The following RAPH1 variants were observed in gnomAD, a reference collection of about 807,000 sequenced individuals.
RAPH1 encodes Ras association (RalGDS/AF-6) and pleckstrin homology domains 1.
RAPH1 carries 18 observed loss-of-function variants against 88.1 expected under a neutral mutation model. That is an observed-to-expected ratio of 0.20 (90% CI 0.14 to 0.30). The LOEUF (loss-of-function observed/expected upper bound fraction) is 0.30, where lower values mean the gene tolerates loss of function less well. Among genes scored for constraint, RAPH1 ranks in the 10% least tolerant of loss-of-function variants. RAPH1 has a pLI of 1.00. For missense variants in RAPH1, 1,448 were observed against 1,543.2 expected (o/e 0.94, Z 1.03); for synonymous variants, 587 against 559.0 (o/e 1.05, Z -0.71).
Position 203,495,449 on chromosome 2 carries a change from GAAGTCAAATCTTCAAA to G in RAPH1, c.1-112_1-97del, listed in dbSNP as rs1688471665. 3.0e-5 allele frequency: 36 copies of G among 1,203,732 alleles called. No homozygotes were observed. In the South Asian group the frequency reaches 5.9e-4, roughly 20 times the overall value. 74.6% of individuals were successfully genotyped at this position (1,203,732 alleles called of 1,614,324 possible). A position where few individuals can be genotyped will look rare whatever the true frequency, so the allele number is the denominator to read the frequency against. ...GCTCTGATATATATTATATGCCTCT[GAAGTCAAATCTTCAAA>G]ACTAGAAATTACATTCTAAAAGAAA... is the stretch of plus-strand genomic sequence containing the variant. On this transcript the variant is annotated intron_variant, in intron 1 of 13. Coordinates refer to ENST00000319170, the MANE Select transcript of RAPH1 (RefSeq NM_213589.3).
intron 4 of RAPH1, among the ~76,000 whole-genome samples, chr2:203,472,374 C>T (rs1316458633): frequency 2.0e-5 from 3 of 152,108 alleles, no homozygotes; most frequent in African/African-American, 7.2e-5. Context: ...TAAGGTGATC[C>T]GCCCGCCTTG....
chr2:203,457,389 T>G (rs1211942142), intron 8 of RAPH1, 141 bp downstream of exon 8: 2 of 737,924 alleles, frequency 2.7e-6, no homozygotes, highest in African/African-American at 3.5e-5. Context: ...TTTCACCATC[T>G]TGGGCAGGCT....
At chr2:203,477,048 C>A in intron 4 of RAPH1, 1 of 1,525,448 alleles carries the variant, frequency 6.6e-7, no homozygotes, top group South Asian at 1.1e-5. Context: ...TTCATTAAGT[C>A]ATGCCATGGC....
intron 10 of RAPH1, among the ~76,000 whole-genome samples, chr2:203,453,116 C>G (rs957975159): frequency 6.6e-6 from 1 of 152,148 alleles, no homozygotes; most frequent in Non-Finnish European, 1.5e-5. Flanking sequence ...GGGACTGACT[C>G]TCAGGAGACT....
rs62182784 is a variant in RAPH1 at position 203,464,174 on chromosome 2, C to T, written c.733-2249G>A. On this transcript the variant is annotated intron_variant, in intron 4 of 13. Transcript: ENST00000319170. ...AAGAAAGTTTACCAAGGTATATTTG[C>T]AGGTTTCACTTCATATTCCTGAAAA... Among the ~76,000 whole-genome samples, 813 of 152,288 alleles carry T rather than the reference C, an allele frequency of 5.3e-3. 2 individuals carry two copies. The highest frequency in any genetic ancestry group is 8.1e-3 in the Non-Finnish European group (550 of 68,012).
intron 6 of RAPH1, among the ~76,000 whole-genome samples, chr2:203,460,930 C>G (rs1310667923): frequency 6.6e-6 from 1 of 151,750 alleles, no homozygotes; most frequent in Non-Finnish European, 1.5e-5. Flanking sequence ...TCCTGGCCAA[C>G]AGGTGAAACC....
At position 203,439,766 on chromosome 2, in the gene RAPH1, G is replaced by C; in HGVS notation, c.3424C>G (p.Pro1142Ala). Reference protein sequence around the residue: ...RLTQAEISEQPTMATVVPQVP... With the variant: ...RLTQAEISEQATMATVVPQVP... The stretch of plus-strand genomic sequence containing the variant: ...TGTGGCACAACTGTGGCCATTGTTG[G>C]CTGCTCAGAAATCTCAGCTTGAGTG... The change falls in exon 14 of 14, where the codon CCA becomes GCA. Residue 1142 changes from proline to alanine, a missense_variant. By Grantham distance (27) the Pro-to-Ala change is conservative (BLOSUM62 -1). Coordinates refer to ENST00000319170, the MANE Select transcript of RAPH1 (RefSeq NM_213589.3). 6.2e-7 allele frequency: 1 copy of C among 1,614,156 alleles called. No homozygotes were observed. The highest frequency in any genetic ancestry group is 8.5e-7 in the Non-Finnish European group (1 of 1,180,034).
intron 4 of RAPH1, among the ~76,000 whole-genome samples, chr2:203,471,072 ATAAGT>A (rs551673093): frequency 2.6e-5 from 4 of 152,202 alleles, no homozygotes; most frequent in East Asian, 1.9e-4. Flanking sequence ...ATGTTGTAAG[ATAAGT>A]TAATACAATT....
chr2:203,531,030 T>C (rs1198304616), intron 1 of RAPH1, among the ~76,000 whole-genome samples: 3 of 152,152 alleles, frequency 2.0e-5, no homozygotes, highest in Non-Finnish European at 4.4e-5. Context: ...AAACTGGATA[T>C]GCAAAAGAAT....
chr2:203,468,317 T>G (rs2098530238), intron 4 of RAPH1, among the ~76,000 whole-genome samples: 1 of 152,298 alleles, frequency 6.6e-6, no homozygotes, highest in Admixed American at 6.5e-5. Context: ...ATCAAGACAC[T>G]TGTACTTTCA....
chr2:203,516,792 G>C lies in RAPH1; in HGVS notation c.-1+18319C>G, dbSNP rs556268710. On this transcript the variant is annotated intron_variant, in intron 1 of 13. Transcript: ENST00000319170. ...CTCATGACTGTAATCCCAGCACTTT[G>C]GGAGGCCAAGGCAGGCGGATCATGA... 4.6e-5 allele frequency among the ~76,000 whole-genome samples: 7 copies of C among 152,250 alleles called. No homozygotes were observed. The South Asian group carries it at 1.4e-3, about 32-fold the overall frequency.
chr2:203,459,879 C>T (rs780091828), intron 7 of RAPH1, 28 bp downstream of exon 7: 5 of 1,602,762 alleles, frequency 3.1e-6, no homozygotes, highest in East Asian at 2.2e-5. Context: ...TTTACAAATC[C>T]TGACCTCTGT....
chr2:203,522,295 CATAAAA>C (rs1689912769), intron 1 of RAPH1, among the ~76,000 whole-genome samples: 1 of 152,050 alleles, frequency 6.6e-6, no homozygotes, highest in Admixed American at 6.5e-5. Context: ...CGATTTATAT[CATAAAA>C]ATAAAGCTAT....
At chr2:203,469,322 T>C (rs1367848311) in intron 4 of RAPH1, among the ~76,000 whole-genome samples, 1 of 152,222 alleles carries the variant, frequency 6.6e-6, no homozygotes, top group African/African-American at 2.4e-5. Flanking sequence ...CAGTCATAGA[T>C]CTGCTTTAAA....
Position 203,489,631 on chromosome 2 carries a change from G to A in RAPH1, c.685C>T (p.Arg229Cys), listed in dbSNP as rs746269453. Residue 229 changes from arginine to cysteine, a missense_variant, in exon 4 of 14, where the codon CGC (arginine) becomes TGC (cysteine). Physicochemically the swap from Arg to Cys is radical, Grantham distance 180. Transcript: ENST00000319170. ...MDSLDIDKVT[R>C]PQELDLTHQG... ...TGTGTCAAATCCAGCTCTTGAGGGC[G>A]TGTTACTTTATCAATATCCAAAGAG... 2.4e-5 allele frequency: 39 copies of A among 1,611,344 alleles called. No homozygotes were observed. The highest frequency in any genetic ancestry group is 1.7e-4 in the Middle Eastern group (1 of 6,060).
chr2:203,506,862 A>ATATC (rs1559494878), intron 1 of RAPH1, among the ~76,000 whole-genome samples: 1 of 76,620 alleles, frequency 1.3e-5, no homozygotes, highest in African/African-American at 5.9e-5. Context: ...ATATCTATAT[A>ATATC]TATATATATA....
intron 1 of RAPH1, among the ~76,000 whole-genome samples, chr2:203,522,097 A>G (rs1689903266): frequency 6.6e-6 from 1 of 152,222 alleles, no homozygotes; most frequent in Non-Finnish European, 1.5e-5. Context: ...GCCTCTTTAA[A>G]TATTAATATC....
chr2:203,506,877 TATAGATATA>T (rs1689102208), intron 1 of RAPH1, among the ~76,000 whole-genome samples: 2 of 93,382 alleles, frequency 2.1e-5, no homozygotes, highest in African/African-American at 9.5e-5. Context: ...TATATATATA[TATAGATATA>T]TATATATATA....
rs149975027 is a variant in RAPH1 at position 203,440,550 on chromosome 2, A to G, written c.2640T>C (p.Ser880=). 1.7e-3 allele frequency: 2,586 copies of G among 1,541,220 alleles called. 3 individuals carry two copies. The highest frequency in any genetic ancestry group is 2.1e-3 in the Non-Finnish European group (2,395 of 1,145,154). Reference sequence around the variant, plus strand: ...TTGCTGGGACAGGCTTTAAGGGCTGAGATTCCATGGCAGGGGGAGTTGGAG... The same window carrying G: ...TTGCTGGGACAGGCTTTAAGGGCTGGGATTCCATGGCAGGGGGAGTTGGAG... The part of the protein sequence containing the change: ...PPPPTPPAME[S]QPLKPVPANV... The change falls in exon 14 of 14, where the codon TCT becomes TCC. Residue 880 remains serine (S), a synonymous_variant. Coordinates refer to ENST00000319170, the MANE Select transcript of RAPH1 (RefSeq NM_213589.3).
Sources: allele counts gnomAD v4.1 joint callset (sites outside exome capture counted in the v4.1 genomes callset), GRCh38; gene constraint gnomAD v4.1.1; transcripts MANE v1.5; gene names NCBI Gene and HGNC (gene_info 2026-07-23, HGNC 2026-07-21).